The following UGT1A9 variants were observed in gnomAD, a reference collection of about 807,000 sequenced individuals.
The protein encoded by UGT1A9 is UDP glucuronosyltransferase family 1 member A9, also known as UDP-glucuronosyltransferase 1A9.
Under a neutral mutation model 45.0 loss-of-function variants are expected in UGT1A9, and 35 were observed. The observed-to-expected ratio is 0.78, with a 90% CI of 0.59 to 1.03. The LOEUF is 1.03. Ranked by LOEUF, UGT1A9 falls within the 50% of genes least tolerant of loss-of-function variation. UGT1A9 has a pLI of 0.00. For synonymous variants in UGT1A9, 278 were observed against 250.6 expected (o/e 1.11, Z -1.03); for missense variants, 687 against 666.6 (o/e 1.03, Z -0.34).
intron 1 of UGT1A9, among the ~76,000 whole-genome samples, chr2:233,751,474 G>T (rs1469099593): frequency 6.6e-6 from 1 of 152,210 alleles, no homozygotes; most frequent in South Asian, 2.1e-4. Context: ...GATTGGTTTT[G>T]AAATGTGAAA....
rs28898572 is a variant in UGT1A9, at chr2:233,685,578, C to A, written c.855+12789C>A. ...AAATTCAAATTTACCTGTTACTGGG[C>A]AAGCCCAAGGCCTCCCTCCAAGATT... On this transcript the variant is annotated intron_variant, in intron 1 of 4. Transcript: ENST00000354728. Among the ~76,000 whole-genome samples, 571 of 152,320 alleles carry A rather than the reference C, an allele frequency of 3.7e-3. 7 individuals are homozygous for A. Among genetic ancestry groups the A allele is most frequent in the African/African-American group, 0.013 (547 of 41,570 alleles).
At chr2:233,702,807 T>A (rs568741359) in intron 1 of UGT1A9, among the ~76,000 whole-genome samples, 2 of 152,340 alleles carry the variant, frequency 1.3e-5, no homozygotes, top group South Asian at 4.1e-4. Flanking sequence ...CCTAGAATAA[T>A]CCCACTTGAT....
At chr2:233,691,502 G>T in intron 1 of UGT1A9, 2 of 985,742 alleles carry the variant, frequency 2.0e-6, no homozygotes, top group Non-Finnish European at 2.4e-6. Context: ...ACAGGAACTC[G>T]CGTGCCAGCC....
intron 1 of UGT1A9, among the ~76,000 whole-genome samples, chr2:233,707,757 T>A (rs1165246358): frequency 2.6e-5 from 4 of 152,186 alleles, no homozygotes; most frequent in African/African-American, 9.7e-5. Flanking sequence ...CTGAAACACA[T>A]GTGAGTGGGT....
chr2:233,744,059 G>A (rs1241791762), intron 1 of UGT1A9: 4 of 568,466 alleles, frequency 7.0e-6, no homozygotes, highest in Non-Finnish European at 1.1e-5. Context: ...ATTGGTCGAG[G>A]CCTATGAGCG....
At chr2:233,709,129 A>C (rs2076058664) in intron 1 of UGT1A9, among the ~76,000 whole-genome samples, 1 of 152,130 alleles carries the variant, frequency 6.6e-6, no homozygotes, top group South Asian at 2.1e-4. Flanking sequence ...ATGGTGGCCA[A>C]GGGGATGAGA....
At chr2:233,739,019 A>G (rs1003035720) in intron 1 of UGT1A9, 4 of 152,282 alleles carry the variant, frequency 2.6e-5, no homozygotes, top group African/African-American at 7.2e-5. Flanking sequence ...GGCTCCAGCC[A>G]TGGCTAAAAG....
intron 1 of UGT1A9, among the ~76,000 whole-genome samples, chr2:233,680,805 C>G (rs1299963858): frequency 6.6e-6 from 1 of 152,096 alleles, no homozygotes; most frequent in Non-Finnish European, 1.5e-5. Flanking sequence ...TAGCAAAGGC[C>G]TGCAGCTCTG....
At chr2:233,673,672 C>T (rs1378873633) in intron 1 of UGT1A9, among the ~76,000 whole-genome samples, 1 of 152,118 alleles carries the variant, frequency 6.6e-6, no homozygotes, top group Admixed American at 6.5e-5. Context: ...TTCTTATTAA[C>T]ATTTATTCCT....
At chr2:233,735,509 C>T (rs185084136) in intron 1 of UGT1A9, among the ~76,000 whole-genome samples, 17 of 152,270 alleles carry the variant, frequency 1.1e-4, no homozygotes, top group Middle Eastern at 3.4e-3. Flanking sequence ...AGCCCATTTA[C>T]ATTTAAGGTA....
At chr2:233,750,066 G>A (rs12987866) in intron 1 of UGT1A9, among the ~76,000 whole-genome samples, 28,360 of 151,834 alleles carry the variant, frequency 0.19, 3,511 homozygotes, top group South Asian at 0.3. Flanking sequence ...TTTGGAACTG[G>A]GTAACAGGCA....
In UGT1A9 at chr2:233,728,580, C is replaced by T. The variant is rs28898616; in HGVS notation, c.856-38454C>T. ...ACAAGAAATATCCTGGTGCGAAAAA[C>T]GACCAAAACCACATAGCCAGCCTCC... On this transcript the variant is annotated intron_variant, in intron 1 of 4. Transcript: ENST00000354728. Among the ~76,000 whole-genome samples, 824 of 152,300 alleles carry T rather than the reference C, an allele frequency of 5.4e-3. 4 individuals are homozygous for T. Among genetic ancestry groups the T allele is most frequent in the African/African-American group, 0.019 (777 of 41,552 alleles).
rs181904192 is a variant in UGT1A9, at chr2:233,720,907, C to T, written c.856-46127C>T. On this transcript the variant is annotated intron_variant, in intron 1 of 4. Coordinates refer to ENST00000354728, the MANE Select transcript of UGT1A9 (RefSeq NM_021027.3). ...TTTTTTTTTAGTAGAGATGAGGTTT[C>T]GCAATGTTAGCCAGGCTGGTCTTGA... 7.9e-3 allele frequency among the ~76,000 whole-genome samples: 1,118 copies of T among 140,910 alleles called. 9 individuals carry two copies. Among genetic ancestry groups the T allele is most frequent in the Admixed American group, 0.016 (217 of 13,846 alleles). 92.4% of individuals were successfully genotyped at this position (140,910 alleles called of 152,430 possible).
chr2:233,680,628 G>A (rs1444345602), intron 1 of UGT1A9, among the ~76,000 whole-genome samples: 1 of 152,162 alleles, frequency 6.6e-6, no homozygotes, highest in Non-Finnish European at 1.5e-5. Flanking sequence ...CCAATGCAAT[G>A]AGAATTCCCA....
At chr2:233,747,246 G>A (rs1208197105) in intron 1 of UGT1A9, 9 of 1,601,988 alleles carry the variant, frequency 5.6e-6, no homozygotes, top group Non-Finnish European at 6.8e-6. Context: ...CCCTGCTGTG[G>A]CTGGCCACAG....
In UGT1A9 at chr2:233,699,439, G is replaced by A. The variant is rs541562244; in HGVS notation, c.855+26650G>A. On this transcript the variant is annotated intron_variant, in intron 1 of 4. Transcript: ENST00000354728. ...TTTCATTATTAGAAGGGTCATTGGA[G>A]TGTTTTCCTTAGAACAAAGGAGGTC... Among the ~76,000 whole-genome samples, 3 of 152,324 alleles carry A rather than the reference G, an allele frequency of 2.0e-5. No homozygotes were observed. In the South Asian group the frequency reaches 6.2e-4, roughly 32 times the overall value.
chr2:233,683,998 A>G (rs1450435310), intron 1 of UGT1A9, among the ~76,000 whole-genome samples: 1 of 152,222 alleles, frequency 6.6e-6, no homozygotes, highest in Non-Finnish European at 1.5e-5. Context: ...CGTGACAAAT[A>G]CAAGAGTAAG....
At chr2:233,677,250 A>G (rs1559336890) in intron 1 of UGT1A9, among the ~76,000 whole-genome samples, 1 of 152,150 alleles carries the variant, frequency 6.6e-6, no homozygotes, top group Non-Finnish European at 1.5e-5. Flanking sequence ...CCTTTGTCAG[A>G]TATATCCCTA....
intron 1 of UGT1A9, among the ~76,000 whole-genome samples, chr2:233,732,434 T>A (rs2078271939): frequency 6.6e-6 from 1 of 152,264 alleles, no homozygotes; most frequent in African/African-American, 2.4e-5. Context: ...AGGATTTTTA[T>A]GGTTTTAGGT....
Sources: allele counts gnomAD v4.1 joint callset (sites outside exome capture counted in the v4.1 genomes callset), GRCh38; gene constraint gnomAD v4.1.1; transcripts MANE v1.5; gene names NCBI Gene and HGNC (gene_info 2026-07-23, HGNC 2026-07-21).